The following MICU3 variants were observed in gnomAD, a reference collection of about 807,000 sequenced individuals.
The protein encoded by MICU3 is mitochondrial calcium uptake 3.
MICU3 carries 62 observed loss-of-function variants against 66.5 expected under a neutral mutation model. That is an observed-to-expected ratio of 0.93 (90% CI 0.76 to 1.15). MICU3 has a LOEUF of 1.15. Among genes scored for constraint, MICU3 ranks in the 50% most tolerant of loss-of-function variants. The pLI is 0.00. For synonymous variants in MICU3, 308 were observed against 240.7 expected (o/e 1.28, Z -2.59); for missense variants, 779 against 664.4 (o/e 1.17, Z -1.90).
At chr8:17,113,526 C>T (rs1361228743) in intron 11 of MICU3, among the ~76,000 whole-genome samples, 2 of 152,192 alleles carry the variant, frequency 1.3e-5, no homozygotes, top group Non-Finnish European at 2.9e-5. Context: ...AGAACTGTAC[C>T]TCTGAGGTCA....
At chr8:17,090,503 C>T in intron 7 of MICU3, 43 bp from the exon 8 acceptor site, 5 of 1,577,854 alleles carry the variant, frequency 3.2e-6, no homozygotes, top group Non-Finnish European at 4.3e-6. Context: ...TGGGTTCATT[C>T]TGAAATATGA....
At chr8:17,090,234 G>A (rs1799907909) in intron 7 of MICU3, among the ~76,000 whole-genome samples, 1 of 152,094 alleles carries the variant, frequency 6.6e-6, no homozygotes, top group South Asian at 2.1e-4. Flanking sequence ...GCGGAAGCAT[G>A]TCCAAATCAA....
intron 11 of MICU3, among the ~76,000 whole-genome samples, chr8:17,110,746 G>T (rs1054317080): frequency 1.3e-4 from 19 of 151,474 alleles, no homozygotes; most frequent in African/African-American, 2.7e-4. Flanking sequence ...TGGGGAGGGG[G>T]GGGTAGAGAC....
Position 17,027,238 on chromosome 8 carries a change from G to A in MICU3, c.-42G>A. On this transcript the variant is annotated 5_prime_UTR_variant, in exon 1 of 15. Transcript: ENST00000318063. Reference sequence around the variant, plus strand: ...CCCCCCCCCCCGCCCCCGCCCCTCCGTTCTCTGCCCCCTCCCAGCTCTGGT... The same window carrying A: ...CCCCCCCCCCCGCCCCCGCCCCTCCATTCTCTGCCCCCTCCCAGCTCTGGT... 1 of 389,456 alleles carries A rather than the reference G, an allele frequency of 2.6e-6. No homozygotes were observed. The allele number at this position is 389,456 out of a possible 1,614,324, so 24.1% of individuals were successfully genotyped here. A position where few individuals can be genotyped will look rare whatever the true frequency, so the allele number is the denominator to read the frequency against.
intron 1 of MICU3, among the ~76,000 whole-genome samples, chr8:17,035,797 A>G (rs1812872349): frequency 6.6e-6 from 1 of 152,206 alleles, no homozygotes; most frequent in Non-Finnish European, 1.5e-5. Context: ...TGTGATAGAA[A>G]AGAAAACCCC....
At chr8:17,123,949 A>T (rs77326302), downstream of MICU3, among the ~76,000 whole-genome samples, 45 of 29,240 alleles carry the variant, frequency 1.5e-3, no homozygotes, top group East Asian at 0.02. Context: ...TAAAGTCTTT[A>T]AAAAAAAAAA....
At position 17,120,393 on chromosome 8, in the gene MICU3, A is replaced by G. The variant is rs1376472862; in HGVS notation, c.*106A>G. Reference sequence around the variant, plus strand: ...CTGAGGTCAGAAGAAGTAGAGAATGAAGGAAAAGGTGAATGCTATGAAATT... The same window carrying G: ...CTGAGGTCAGAAGAAGTAGAGAATGGAGGAAAAGGTGAATGCTATGAAATT... On this transcript the variant is annotated 3_prime_UTR_variant, in exon 15 of 15. Coordinates refer to ENST00000318063, the MANE Select transcript of MICU3 (RefSeq NM_181723.3). 6.6e-6 allele frequency: 1 copy of G among 152,094 alleles called. No individual in the cohort carries two copies. The highest frequency in any genetic ancestry group is 1.5e-5 in the Non-Finnish European group (1 of 67,978). The allele number at this position is 152,094 out of a possible 1,614,324, so 9.4% of individuals were successfully genotyped here.
chr8:17,086,851 C>G (rs1238885622), intron 6 of MICU3, 113 bp from the exon 7 acceptor site: 2 of 678,026 alleles, frequency 2.9e-6, no homozygotes, highest in African/African-American at 1.8e-5. Flanking sequence ...TTTAAATGTT[C>G]TTGGTGGATG....
intron 1 of MICU3, among the ~76,000 whole-genome samples, chr8:17,053,415 G>T (rs868330313): frequency 8.5e-5 from 13 of 152,260 alleles, no homozygotes; most frequent in Admixed American, 4.6e-4. Context: ...CCTTGGCAAT[G>T]AACCTTTGTT....
chr8:17,135,561 A>G, the MICU3 span, among the ~76,000 whole-genome samples: 1 of 152,064 alleles, frequency 6.6e-6, no homozygotes, highest in Admixed American at 6.6e-5. Context: ...GTCATATTAC[A>G]TGCAAACTAA....
chr8:17,091,706 T>C (rs1395233580), intron 8 of MICU3, among the ~76,000 whole-genome samples: 3 of 152,082 alleles, frequency 2.0e-5, no homozygotes, highest in Non-Finnish European at 4.4e-5. Flanking sequence ...TTAAATTTTT[T>C]CTACAGAAAT....
chr8:17,044,940 C>G (rs998197453), intron 1 of MICU3, among the ~76,000 whole-genome samples: 1 of 152,120 alleles, frequency 6.6e-6, no homozygotes, highest in Non-Finnish European at 1.5e-5. Flanking sequence ...ACAATTTTAT[C>G]TGTACTTCAC....
intron 4 of MICU3, among the ~76,000 whole-genome samples, chr8:17,080,556 C>G (rs750110457): frequency 6.6e-6 from 1 of 152,092 alleles, no homozygotes; most frequent in African/African-American, 2.4e-5. Context: ...GCTCTTCTTT[C>G]ATTTTTTGAG....
At chr8:17,102,113 A>G (rs1412297799) in intron 9 of MICU3, among the ~76,000 whole-genome samples, 1 of 151,830 alleles carries the variant, frequency 6.6e-6, no homozygotes, top group Non-Finnish European at 1.5e-5. Flanking sequence ...TTATTTGCTC[A>G]CCACAGTACT....
At chr8:17,036,690 A>G (rs1006580710) in intron 1 of MICU3, among the ~76,000 whole-genome samples, 1 of 152,172 alleles carries the variant, frequency 6.6e-6, no homozygotes, top group Non-Finnish European at 1.5e-5. Flanking sequence ...TGTGTTTACA[A>G]TCCCTGAGCT....
At chr8:17,116,159 A>C (rs1308327047) in intron 12 of MICU3, among the ~76,000 whole-genome samples, 1 of 152,170 alleles carries the variant, frequency 6.6e-6, no homozygotes, top group African/African-American at 2.4e-5. Flanking sequence ...AAACCTATTC[A>C]TCTTACTAAC....
intron 11 of MICU3, among the ~76,000 whole-genome samples, chr8:17,110,089 G>T (rs1398218682): frequency 3.9e-5 from 6 of 152,168 alleles, no homozygotes; most frequent in Non-Finnish European, 8.8e-5. Context: ...TATGGGATCA[G>T]CATGAATTTT....
At chr8:17,083,615 T>C (rs1034391433) in intron 5 of MICU3, among the ~76,000 whole-genome samples, 1 of 152,116 alleles carries the variant, frequency 6.6e-6, no homozygotes, top group Non-Finnish European at 1.5e-5. Flanking sequence ...TCCATTATAA[T>C]TTTGCAATGG....
At chr8:17,079,150 G>A (rs1329533355) in intron 4 of MICU3, among the ~76,000 whole-genome samples, 1 of 152,020 alleles carries the variant, frequency 6.6e-6, no homozygotes, top group Non-Finnish European at 1.5e-5. Context: ...ACACATGTTT[G>A]CATTTTTTTC....
Sources: gnomAD v4.1 joint callset for allele counts (sites outside exome capture counted in the v4.1 genomes callset) on GRCh38, gnomAD v4.1.1 for gene constraint, MANE v1.5 for transcripts, NCBI Gene and HGNC (gene_info 2026-07-23, HGNC 2026-07-21) for gene names.